ST8SIA2: variants seen among roughly 807,000 people sequenced by gnomAD.
The protein encoded by ST8SIA2 is alpha-2,8-sialyltransferase 8B.
In ST8SIA2, 22 loss-of-function variants were observed where a neutral mutation model predicts 37.6. That is an observed-to-expected ratio of 0.58 (90% CI 0.42 to 0.83). The LOEUF (loss-of-function observed/expected upper bound fraction) is 0.83. Ranked by LOEUF, ST8SIA2 falls within the 40% of genes least tolerant of loss-of-function variation. The probability of loss-of-function intolerance (pLI) is 0.00; values close to 1 mark genes in which losing one functional copy is unlikely to be tolerated. For missense variants in ST8SIA2, 382 were observed against 484.7 expected (o/e 0.79, Z 1.99); for synonymous variants, 205 against 201.2 (o/e 1.02, Z -0.16).
At chr15:92,437,111 C>T (rs963713774) in intron 3 of ST8SIA2, among the ~76,000 whole-genome samples, 1 of 152,226 alleles carries the variant, frequency 6.6e-6, no homozygotes, top group Non-Finnish European at 1.5e-5. Flanking sequence ...CCTGCAGCGT[C>T]TAACATTTGC....
rs771204655 is a variant in ST8SIA2, at chr15:92,434,235, T to C, written c.162-12T>C. ...ATCATGTCTACCCTCTTTCTTTTTT[T>C]TTCCCTTCCAGAGCTGAAGTTGTAA... On this transcript the variant is annotated splice_polypyrimidine_tract_variant and intron_variant, in intron 2 of 5. Coordinates refer to ENST00000268164, the MANE Select transcript of ST8SIA2 (RefSeq NM_006011.4). 1 of 1,614,078 alleles carries C rather than the reference T, an allele frequency of 6.2e-7. No individual in the cohort carries two copies. The highest frequency in any genetic ancestry group is 1.6e-4 in the Middle Eastern group (1 of 6,062).
Position 92,463,156 on chromosome 15 carries a change from C to G in ST8SIA2, c.843-944C>G, listed in dbSNP as rs2049968690. On this transcript the variant is annotated intron_variant, in intron 5 of 5. Coordinates refer to ENST00000268164, the MANE Select transcript of ST8SIA2 (RefSeq NM_006011.4). ...TTACTTCCCCCCTCTGAGCATGTTT[C>G]TTAGTCTGTGGAATGCACATAGTCT... is the stretch of plus-strand genomic sequence containing the variant. 4.6e-5 allele frequency among the ~76,000 whole-genome samples: 7 copies of G among 152,264 alleles called. No individual in the cohort carries two copies. The South Asian group carries it at 1.4e-3, about 32-fold the overall frequency.
intron 1 of ST8SIA2, among the ~76,000 whole-genome samples, chr15:92,399,283 C>T (rs1275776655): frequency 6.6e-6 from 1 of 152,228 alleles, no homozygotes; most frequent in Non-Finnish European, 1.5e-5. Flanking sequence ...ACTGCTCCCT[C>T]TCCAGCACCA....
At chr15:92,407,981 C>T (rs1198209027) in intron 1 of ST8SIA2, among the ~76,000 whole-genome samples, 3 of 152,132 alleles carry the variant, frequency 2.0e-5, no homozygotes, top group South Asian at 4.1e-4. Context: ...AATGACATCC[C>T]AGCCTTTCTT....
rs118125314 is a variant in ST8SIA2 at position 92,445,495 on chromosome 15, A to G, written c.842+566A>G. 4.9e-4 allele frequency among the ~76,000 whole-genome samples: 74 copies of G among 152,332 alleles called. No individual in the cohort carries two copies. The East Asian group carries it at 0.012, about 25-fold the overall frequency. On this transcript the variant is annotated intron_variant, in intron 5 of 5. Coordinates refer to ENST00000268164, the MANE Select transcript of ST8SIA2 (RefSeq NM_006011.4). ...CATCGCTATCTTTATGTCTCAGTGC[A>G]ATATTCTCTAACTCTACAGAGCACA...
At chr15:92,441,579 AC>A (rs1567220377) in intron 4 of ST8SIA2, among the ~76,000 whole-genome samples, 5 of 13,248 alleles carry the variant, frequency 3.8e-4, no homozygotes, top group Non-Finnish European at 6.0e-4. Context: ...CTGTGCATGC[AC>A]ACACACACAC....
At chr15:92,428,123 G>A (rs2049690011) in intron 1 of ST8SIA2, among the ~76,000 whole-genome samples, 1 of 152,186 alleles carries the variant, frequency 6.6e-6, no homozygotes, top group Non-Finnish European at 1.5e-5. Flanking sequence ...TTGTGTTAAT[G>A]GTAGTGTAGG....
intron 1 of ST8SIA2, among the ~76,000 whole-genome samples, chr15:92,418,642 G>A (rs1453949818): frequency 2.6e-5 from 4 of 152,118 alleles, no homozygotes; most frequent in African/African-American, 7.2e-5. Flanking sequence ...GGATGGTGGA[G>A]GCATCACTCT....
intron 1 of ST8SIA2, among the ~76,000 whole-genome samples, chr15:92,400,578 T>C (rs904216685): frequency 3.3e-5 from 5 of 152,140 alleles, no homozygotes; most frequent in African/African-American, 9.7e-5. Context: ...TTGGGGCCAA[T>C]GGAAATAAAA....
rs558768156 is a variant in ST8SIA2, at chr15:92,432,283, C to T, written c.162-1964C>T. Among the ~76,000 whole-genome samples the T allele has an allele frequency of 4.6e-5, 7 of 152,246 alleles. No individual in the cohort carries two copies. The South Asian group carries it at 8.3e-4, about 18-fold the overall frequency. On this transcript the variant is annotated intron_variant, in intron 2 of 5. Transcript: ENST00000268164. ...GGCTTCAACAAAGCTGGGGTGAAGC[C>T]GCTAATTCTGTGTCGCTGAGGTCAG... is the stretch of plus-strand genomic sequence containing the variant.
chr15:92,462,432 T>C (rs2049963838), intron 5 of ST8SIA2, among the ~76,000 whole-genome samples: 1 of 152,184 alleles, frequency 6.6e-6, no homozygotes, highest in African/African-American at 2.4e-5. Flanking sequence ...TTTTATGAGC[T>C]GCAAAAGGAA....
At position 92,408,681 on chromosome 15, in the gene ST8SIA2, A is replaced by T. The variant is rs747658968; in HGVS notation, c.98+14519A>T. 2.3e-3 allele frequency among the ~76,000 whole-genome samples: 233 copies of T among 100,050 alleles called. 1 individual carries two copies. The highest frequency in any genetic ancestry group is 3.1e-3 in the Non-Finnish European group (166 of 53,310). 65.6% of individuals were successfully genotyped at this position (100,050 alleles called of 152,430 possible). On this transcript the variant is annotated intron_variant, in intron 1 of 5. Transcript: ENST00000268164. ...AAATCCACTGAGTTCCATTTTTTTTATTTATTTATTTATTTATTTATTTAT... is the reference window on the plus strand; with the variant it reads ...AAATCCACTGAGTTCCATTTTTTTTTTTTATTTATTTATTTATTTATTTAT...
chr15:92,463,320 G>A (rs186973688), intron 5 of ST8SIA2, among the ~76,000 whole-genome samples: 3 of 152,358 alleles, frequency 2.0e-5, no homozygotes, highest in African/African-American at 7.2e-5. Context: ...ACACCAAGAT[G>A]TAGTGAGCAG....
At chr15:92,429,915 T>TC (rs2049702791) in intron 1 of ST8SIA2, 134 bp from the exon 2 acceptor site, 1 of 956,444 alleles carries the variant, frequency 1.0e-6, no homozygotes, top group African/African-American at 1.6e-5. Flanking sequence ...CTTTGCCCAT[T>TC]CTGCAGAGTC....
At chr15:92,424,359 C>A (rs941142743) in intron 1 of ST8SIA2, among the ~76,000 whole-genome samples, 1 of 152,048 alleles carries the variant, frequency 6.6e-6, no homozygotes, top group African/African-American at 2.4e-5. Flanking sequence ...CATAAATATA[C>A]ACAGTTACGA....
chr15:92,419,046 G>A (rs2049610909), intron 1 of ST8SIA2, among the ~76,000 whole-genome samples: 1 of 152,152 alleles, frequency 6.6e-6, no homozygotes, highest in Non-Finnish European at 1.5e-5. Context: ...CTCCCAGAGA[G>A]AAGGTCTCTC....
At chr15:92,404,766 C>T (rs1011697465) in intron 1 of ST8SIA2, among the ~76,000 whole-genome samples, 4 of 148,734 alleles carry the variant, frequency 2.7e-5, no homozygotes, top group Non-Finnish European at 5.9e-5. Context: ...ACCCGGGAGG[C>T]GGAGGTTGCA....
chr15:92,433,996 G>C (rs1455148634), intron 2 of ST8SIA2, among the ~76,000 whole-genome samples: 1 of 152,010 alleles, frequency 6.6e-6, no homozygotes, highest in Non-Finnish European at 1.5e-5. Flanking sequence ...AAATCACTAG[G>C]GGCAGGGGAA....
intron 3 of ST8SIA2, among the ~76,000 whole-genome samples, chr15:92,438,042 C>G (rs1169011656): frequency 2.0e-5 from 3 of 152,172 alleles, no homozygotes; most frequent in Non-Finnish European, 4.4e-5. Flanking sequence ...GCCACCCTTC[C>G]TTCTGGGGCC....
Sources: gnomAD v4.1 joint callset for allele counts (sites outside exome capture counted in the v4.1 genomes callset) on GRCh38, gnomAD v4.1.1 for gene constraint, MANE v1.5 for transcripts, NCBI Gene and HGNC (gene_info 2026-07-23, HGNC 2026-07-21) for gene names.